The following AP1M2 variants were observed in gnomAD, a reference collection of about 807,000 sequenced individuals.
AP1M2 encodes adaptor related protein complex 1 subunit mu 2, also known as AP-1 complex subunit mu-2.
AP1M2 carries 41 observed loss-of-function variants against 54.6 expected under a neutral mutation model. The observed-to-expected ratio is 0.75, with a 90% confidence interval of 0.59 to 0.97. The LOEUF (loss-of-function observed/expected upper bound fraction) is 0.97. Ranked by LOEUF, AP1M2 falls within the 50% of genes least tolerant of loss-of-function variation. The pLI is 0.00. For synonymous variants in AP1M2, 219 were observed against 215.9 expected, an observed-to-expected ratio of 1.01 and a Z score of -0.13; for missense variants, 507 against 561.2, an observed-to-expected ratio of 0.90 and a Z score of 0.98.
At chr19:10,576,106 T>TC (rs71162099) in intron 9 of AP1M2, among the ~76,000 whole-genome samples, 2 of 148,786 alleles carry the variant, frequency 1.3e-5, no homozygotes, top group East Asian at 4.0e-4. Context: ...TTTTTTTTTT[T>TC]CTTGAGACAG....
In AP1M2 at chr19:10,574,865, G is replaced by A. The variant is rs536244443; in HGVS notation, c.1173+39C>T. Reference sequence around the variant, plus strand: ...GGGACAGGAGAGAGGGGAACCCACCGAAGTCAAGGGGAGGATCCTCCCTGC... The same window carrying A: ...GGGACAGGAGAGAGGGGAACCCACCAAAGTCAAGGGGAGGATCCTCCCTGC... On this transcript the variant is annotated intron_variant, in intron 10 of 11. Coordinates refer to ENST00000250244, the MANE Select transcript of AP1M2 (RefSeq NM_005498.5). 6.4e-6 allele frequency: 10 copies of A among 1,572,532 alleles called. No individual in the cohort carries two copies. In the South Asian group the frequency reaches 7.0e-5, roughly 11 times the overall value.
In AP1M2 at chr19:10,573,033, G is replaced by T. The variant is rs368590211; in HGVS notation, c.*33C>A. 7.1e-6 allele frequency: 11 copies of T among 1,556,052 alleles called. No homozygotes were observed. The Admixed American group carries it at 7.7e-5, about 11-fold the overall frequency. On this transcript the variant is annotated 3_prime_UTR_variant, in exon 12 of 12. Coordinates refer to ENST00000250244, the MANE Select transcript of AP1M2 (RefSeq NM_005498.5). ...AATCTGCATCCGGGGCTGTAAGGAA[G>T]CCCCGTGTTCAAGCCCCCATCTCTT...
At chr19:10,583,732 C>T in intron 2 of AP1M2, 59 bp from the exon 3 acceptor site, 1 of 1,548,116 alleles carries the variant, frequency 6.5e-7, no homozygotes, top group Non-Finnish European at 8.9e-7. Flanking sequence ...GGAATACAGA[C>T]CCCGAACCTC....
rs138260084 is a variant in AP1M2 at position 10,578,504 on chromosome 19, CAAAA to C, written c.888+384_888+387del. 6.8e-4 allele frequency among the ~76,000 whole-genome samples: 103 copies of C among 151,734 alleles called. 1 individual carries two copies. The highest frequency in any genetic ancestry group is 7.9e-4 in the Admixed American group (12 of 15,226). On this transcript the variant is annotated intron_variant, in intron 8 of 11. Transcript: ENST00000250244. ...CTCAAAAAACAAACGAACAAACAAA[CAAAA>C]AAACCCTTCAGTCCATCACAGGAGA...
rs1917263252 is a variant in AP1M2, at chr19:10,577,202, A to G, written c.1043T>C (p.Phe348Ser). The stretch of plus-strand genomic sequence containing the variant: ...CCGCCAGTCCCTGGTACTTACCGGG[A>G]AAGACTTAATACTCCAAATCACGAC... ...RNVVIWSIKS[F>S]PGGKEYLMRA... is the part of the protein sequence containing the mutation. Residue 348 changes from phenylalanine (F) to serine (S), a missense_variant, in exon 9 of 12, where the codon TTC becomes TCC. Physicochemically the swap from Phe to Ser is radical, Grantham distance 155 (BLOSUM62 -2). Coordinates refer to ENST00000250244, the MANE Select transcript of AP1M2 (RefSeq NM_005498.5). 6.2e-7 allele frequency: 1 copy of G among 1,608,414 alleles called. No homozygotes were observed. The highest frequency in any genetic ancestry group is 1.1e-5 in the South Asian group (1 of 90,356).
rs1468147195 is a variant in AP1M2, at chr19:10,574,917, A to C, written c.1160T>G (p.Val387Gly). ...TGCTTCTCTCACCTGGATCCCAGAG[A>C]CGGTGAAGTAGGGGATCTCAAACTT... ...GVKFEIPYFT[V>G]SGIQVRYMKI... Residue 387 changes from valine to glycine, a missense_variant, in exon 10 of 12, where the codon GTC becomes GGC. Val to Gly is a moderately radical substitution (Grantham distance 109). Transcript: ENST00000250244. 1 of 1,603,946 alleles carries C rather than the reference A, an allele frequency of 6.2e-7. No individual in the cohort carries two copies. The highest frequency in any genetic ancestry group is 1.7e-5 in the Admixed American group (1 of 58,870).
chr19:10,581,721 C>T (rs749424190), intron 4 of AP1M2, 27 bp downstream of exon 4: 7 of 1,612,348 alleles, frequency 4.3e-6, no homozygotes, highest in Non-Finnish European at 5.9e-6. Context: ...CAGTCCAGCC[C>T]ATGGCTGCCT....
chr19:10,582,759 C>G (rs1209335832), intron 3 of AP1M2, among the ~76,000 whole-genome samples: 2 of 149,382 alleles, frequency 1.3e-5, no homozygotes, highest in African/African-American at 4.9e-5. Flanking sequence ...AAAGAAAAAA[C>G]AAAAAAGAAA....
chr19:10,586,255 C>T (rs1278001293), intron 1 of AP1M2, among the ~76,000 whole-genome samples: 5 of 151,060 alleles, frequency 3.3e-5, no homozygotes, highest in Admixed American at 2.0e-4. Context: ...TGCACTCCAG[C>T]CTGGGTGACA....
chr19:10,577,583 G>A (rs1256975643), intron 8 of AP1M2, among the ~76,000 whole-genome samples: 6 of 151,114 alleles, frequency 4.0e-5, no homozygotes, highest in African/African-American at 1.5e-4. Context: ...ACAGGCACCC[G>A]CCAGCACGCC....
chr19:10,581,077 G>A (rs74744564), intron 6 of AP1M2, among the ~76,000 whole-genome samples, 189 bp downstream of exon 6: 3,319 of 152,242 alleles, frequency 0.022, 122 homozygotes, highest in African/African-American at 0.076. Flanking sequence ...ACTGCACCTG[G>A]CACCCAATAG....
chr19:10,579,609 C>T, intron 7 of AP1M2, 107 bp downstream of exon 7: 1 of 1,318,694 alleles, frequency 7.6e-7, no homozygotes, highest in Non-Finnish European at 1.0e-6. Flanking sequence ...CCGACTCAGC[C>T]TCCAAAATTG....
chr19:10,579,931 C>T (rs997263923), intron 6 of AP1M2, 73 bp from the exon 7 acceptor site: 24 of 1,435,126 alleles, frequency 1.7e-5, no homozygotes, highest in African/African-American at 2.9e-5. Flanking sequence ...CCTTTCCTGC[C>T]GACCACTGTC....
At chr19:10,586,795 G>C (rs547083974) in intron 1 of AP1M2, among the ~76,000 whole-genome samples, 2 of 152,274 alleles carry the variant, frequency 1.3e-5, no homozygotes, top group South Asian at 2.1e-4. Context: ...AGCCACAGAT[G>C]GGGGGAGTTA....
Position 10,573,094 on chromosome 19 carries a change from G to C in AP1M2, c.1250-6C>G. ...GCTGGTACGAAGTTGGTAATCTGCA[G>C]AGAAAGAATGAGGAGGGGCCATCTC... On this transcript the variant is annotated splice_region_variant and splice_polypyrimidine_tract_variant and intron_variant, in intron 11 of 11. Coordinates refer to ENST00000250244, the MANE Select transcript of AP1M2 (RefSeq NM_005498.5). 1 of 1,561,766 alleles carries C rather than the reference G, an allele frequency of 6.4e-7. No individual in the cohort carries two copies. The highest frequency in any genetic ancestry group is 8.7e-7 in the Non-Finnish European group (1 of 1,152,730).
At chr19:10,584,942 A>C (rs1010818880) in intron 1 of AP1M2, 25 of 151,450 alleles carry the variant, frequency 1.7e-4, no homozygotes, top group Non-Finnish European at 2.7e-4. Flanking sequence ...AAAAAAAAAC[A>C]AAGAAGAGGC....
chr19:10,585,276 GAAGAAAAA>G (rs777295458), intron 1 of AP1M2, among the ~76,000 whole-genome samples: 7,153 of 77,356 alleles, frequency 0.092, 869 homozygotes, highest in Middle Eastern at 0.11. Flanking sequence ...AAGAAAGAAA[GAAGAAAAA>G]AAGAAAGAAA....
At chr19:10,579,608 C>T in intron 7 of AP1M2, 108 bp downstream of exon 7, 1 of 1,294,868 alleles carries the variant, frequency 7.7e-7, no homozygotes, top group Non-Finnish European at 1.0e-6. Context: ...CCCGACTCAG[C>T]CTCCAAAATT....
At position 10,573,025 on chromosome 19, in the gene AP1M2, G is replaced by C; in HGVS notation, c.*41C>G. On this transcript the variant is annotated 3_prime_UTR_variant, in exon 12 of 12. Transcript: ENST00000250244. ...CCCTCTAAAATCTGCATCCGGGGCT[G>C]TAAGGAAGCCCCGTGTTCAAGCCCC... 6.4e-7 allele frequency: 1 copy of C among 1,550,810 alleles called. No homozygotes were observed. Among genetic ancestry groups the C allele is most frequent in the East Asian group, 2.4e-5 (1 of 41,326 alleles).
Sources: allele counts gnomAD v4.1 joint callset (sites outside exome capture counted in the v4.1 genomes callset), GRCh38; gene constraint gnomAD v4.1.1; transcripts MANE v1.5; gene names NCBI Gene and HGNC (gene_info 2026-07-23, HGNC 2026-07-21).